Variants in CCDC7 observed in about 807,000 individuals in gnomAD.
The protein encoded by CCDC7 is coiled-coil domain-containing protein 7.
Under a neutral mutation model 196.9 loss-of-function variants are expected in CCDC7, and 183 were observed. That is an observed-to-expected ratio of 0.93 (90% CI 0.82 to 1.05). The LOEUF (loss-of-function observed/expected upper bound fraction) is 1.05. CCDC7 is among the 50% of genes least tolerant of loss of function. The probability of loss-of-function intolerance (pLI) is 0.00; values close to 1 mark genes in which losing one functional copy is unlikely to be tolerated. For synonymous variants in CCDC7, 525 were observed against 484.6 expected (o/e 1.08, Z -1.10); for missense variants, 1,540 against 1,482.2 (o/e 1.04, Z -0.64).
intron 8 of CCDC7, among the ~76,000 whole-genome samples, chr10:32,480,872 A>T (rs1375241649): frequency 6.6e-6 from 1 of 152,104 alleles, no homozygotes; most frequent in Non-Finnish European, 1.5e-5. Flanking sequence ...CATTGGTGTA[A>T]AGTGTGGTTA....
In CCDC7 at chr10:32,859,331, C is replaced by T. The variant is rs4341487; in HGVS notation, c.4111+4842C>T. 4.2e-3 allele frequency among the ~76,000 whole-genome samples: 645 copies of T among 152,118 alleles called. 7 individuals carry two copies. Among genetic ancestry groups the T allele is most frequent in the Admixed American group, 0.018 (282 of 15,270 alleles). The stretch of plus-strand genomic sequence containing the variant: ...TCCTGAATGACTACTGGGTAAATAA[C>T]GAAATGAAGGCAGAGATAAAGATGT... On this transcript the variant is annotated intron_variant, in intron 41 of 41. Coordinates refer to ENST00000639629, the Ensembl canonical transcript of CCDC7.
intron 8 of CCDC7, among the ~76,000 whole-genome samples, chr10:32,478,096 T>C (rs984721742): frequency 3.3e-5 from 5 of 152,224 alleles, no homozygotes; most frequent in Non-Finnish European, 7.3e-5. Context: ...ATTTCAGTGC[T>C]ACTATAAATG....
intron 33 of CCDC7, among the ~76,000 whole-genome samples, chr10:32,842,476 C>T (rs2093034616): frequency 6.6e-6 from 1 of 152,000 alleles, no homozygotes; most frequent in Non-Finnish European, 1.5e-5. Context: ...GAAAAGGAAA[C>T]ATTTTTACAC....
chr10:32,540,185 G>A (rs1312684913), intron 11 of CCDC7, among the ~76,000 whole-genome samples: 1 of 152,024 alleles, frequency 6.6e-6, no homozygotes. Context: ...CTTACCCTGG[G>A]TATCAATCTG....
intron 41 of CCDC7, among the ~76,000 whole-genome samples, chr10:32,876,109 A>G (rs973512326): frequency 5.3e-5 from 8 of 151,974 alleles, no homozygotes; most frequent in Non-Finnish European, 1.2e-4. Flanking sequence ...TGTCTGAGCG[A>G]TTCTGTTGCT....
At chr10:32,794,619 T>G (rs1488458530) in intron 29 of CCDC7, among the ~76,000 whole-genome samples, 1 of 152,198 alleles carries the variant, frequency 6.6e-6, no homozygotes, top group Non-Finnish European at 1.5e-5. Flanking sequence ...AAAGTAGCTG[T>G]TCTGACTAGT....
chr10:32,628,025 A>G (rs2064301510), intron 18 of CCDC7, among the ~76,000 whole-genome samples: 1 of 151,896 alleles, frequency 6.6e-6, no homozygotes, highest in Non-Finnish European at 1.5e-5. Flanking sequence ...GTAGTGGTCT[A>G]GTAAACCAAA....
intron 29 of CCDC7, among the ~76,000 whole-genome samples, chr10:32,787,188 A>G (rs2134489228): frequency 6.6e-6 from 1 of 152,300 alleles, no homozygotes; most frequent in African/African-American, 2.4e-5. Flanking sequence ...AAAGACATGC[A>G]TCTACACATT....
chr10:32,642,702 C>T (rs994106206), intron 20 of CCDC7, among the ~76,000 whole-genome samples: 54 of 152,344 alleles, frequency 3.5e-4, no homozygotes, highest in African/African-American at 1.1e-3. Flanking sequence ...GTGATGAACC[C>T]AGTACCTCGG....
At chr10:32,473,766 T>C (rs2038424546) in intron 7 of CCDC7, among the ~76,000 whole-genome samples, 1 of 152,254 alleles carries the variant, frequency 6.6e-6, no homozygotes, top group African/African-American at 2.4e-5. Context: ...GTGATGTTTA[T>C]AATCAGCTGT....
chr10:32,882,106 T>C (rs1461536869), downstream of CCDC7, among the ~76,000 whole-genome samples: 2 of 152,144 alleles, frequency 1.3e-5, no homozygotes, highest in Non-Finnish European at 2.9e-5. Flanking sequence ...ATAAACATGG[T>C]AAGGAAGACT....
At chr10:32,508,578 C>A (rs1486851854) in intron 9 of CCDC7, among the ~76,000 whole-genome samples, 1 of 152,088 alleles carries the variant, frequency 6.6e-6, no homozygotes, top group Non-Finnish European at 1.5e-5. Flanking sequence ...CCTTGAATAG[C>A]CAAAGCAAAT....
At chr10:32,767,724 G>C (rs888400285) in intron 28 of CCDC7, among the ~76,000 whole-genome samples, 1 of 152,010 alleles carries the variant, frequency 6.6e-6, no homozygotes, top group Admixed American at 6.6e-5. Flanking sequence ...ATGTCCACAG[G>C]CATCAAGAAT....
chr10:32,752,460 A>T (rs1196189727), intron 28 of CCDC7, among the ~76,000 whole-genome samples: 3 of 152,138 alleles, frequency 2.0e-5, no homozygotes, highest in Non-Finnish European at 4.4e-5. Flanking sequence ...TCTAAATCTC[A>T]AACCATCTCT....
intron 41 of CCDC7, 152 bp from the exon 43 acceptor site, chr10:32,876,195 C>A: frequency 1.8e-6 from 1 of 563,344 alleles, no homozygotes; most frequent in Non-Finnish European, 3.2e-6. Flanking sequence ...TCTATAAAAA[C>A]AATAGGTAGG....
chr10:32,669,091 T>G (rs2073484911), intron 21 of CCDC7, among the ~76,000 whole-genome samples: 1 of 152,152 alleles, frequency 6.6e-6, no homozygotes, highest in South Asian at 2.1e-4. Context: ...CTAACTGGTT[T>G]AAAATTTTTA....
At chr10:32,527,848 G>T (rs927944893) in intron 11 of CCDC7, among the ~76,000 whole-genome samples, 2 of 151,930 alleles carry the variant, frequency 1.3e-5, no homozygotes, top group Admixed American at 6.6e-5. Context: ...GTAGAACACA[G>T]GATTTCTAAT....
rs376644102 is a variant in CCDC7 at position 32,565,631 on chromosome 10, T to C, written c.1197+11T>C. The C allele has an allele frequency of 3.2e-4, 512 of 1,604,688 alleles. 4 individuals are homozygous for C. The South Asian group carries it at 3.9e-3, about 12-fold the overall frequency. On this transcript the variant is annotated intron_variant, in intron 14 of 41. Transcript: ENST00000639629. ...AAACAGGCTTTACAGGTAAAGGATG[T>C]CATGTTTCTTTAACATTGTTAACAA...
At chr10:32,853,595 A>G (rs577174082) in intron 40 of CCDC7, among the ~76,000 whole-genome samples, 175 of 152,316 alleles carry the variant, frequency 1.1e-3, no homozygotes, top group South Asian at 2.3e-3. Context: ...CCTCCAAATA[A>G]GCAGGTGTTG....
Sources: gnomAD v4.1 joint callset for allele counts (sites outside exome capture counted in the v4.1 genomes callset) on GRCh38, gnomAD v4.1.1 for gene constraint, MANE v1.5 for transcripts, NCBI Gene and HGNC (gene_info 2026-07-23, HGNC 2026-07-21) for gene names.